The following RYR3 variants were observed in gnomAD, a reference collection of about 807,000 sequenced individuals.
RYR3 encodes brain ryanodine receptor-calcium release channel.
In RYR3, 207 loss-of-function variants were observed where a neutral mutation model predicts 584.3. The observed-to-expected ratio is 0.35, with a 90% CI of 0.32 to 0.40. The LOEUF (loss-of-function observed/expected upper bound fraction) is 0.40. RYR3 is among the 10% of genes least tolerant of loss of function. The pLI is 1.00. For missense variants in RYR3, 5,616 were observed against 6,089.2 expected, an observed-to-expected ratio of 0.92 and a Z score of 2.59; for synonymous variants, 2,416 against 2,248.5, an observed-to-expected ratio of 1.07 and a Z score of -2.11.
At chr15:33,753,896 G>A (rs2071561946) in intron 57 of RYR3, among the ~76,000 whole-genome samples, 1 of 152,108 alleles carries the variant, frequency 6.6e-6, no homozygotes, top group Non-Finnish European at 1.5e-5. Context: ...AATGATAAAG[G>A]AAGTCAAGGA....
Position 33,636,495 on chromosome 15 carries a change from G to T in RYR3, c.3501G>T (p.Leu1167=). The change falls in exon 27 of 104, where the codon CTG becomes CTT. Residue 1167 remains leucine (L), a synonymous_variant. Transcript: ENST00000634891. Reference sequence around the variant, plus strand: ...TGATCTTCACACTGAATGGGGAGCTGCTGATCACCAACAAAGGCTCTGAAC... The same window carrying T: ...TGATCTTCACACTGAATGGGGAGCTTCTGATCACCAACAAAGGCTCTGAAC... ...ASMIFTLNGE[L]LITNKGSELA... 1.2e-6 allele frequency: 2 copies of T among 1,612,088 alleles called. No individual in the cohort carries two copies. The highest frequency in any genetic ancestry group is 2.2e-5 in the South Asian group (2 of 90,728).
rs2303310 is a variant in RYR3, at chr15:33,860,576, T to A, written c.14300-19T>A. The A allele has an allele frequency of 0.7, 1,066,917 of 1,528,146 alleles. 387,063 individuals carry two copies. Among genetic ancestry groups the A allele is most frequent in the Non-Finnish European group, 0.75 (840,961 of 1,121,408 alleles). 94.7% of individuals were successfully genotyped at this position (1,528,146 alleles called of 1,614,324 possible). A position where few individuals can be genotyped will look rare whatever the true frequency, so the allele number is the denominator to read the frequency against. On this transcript the variant is annotated intron_variant, in intron 100 of 103. Transcript: ENST00000634891. ...GAACCACTACACAGATTGCTTTGTC[T>A]TTGTATTTAACATTCCAGGTCTTAT...
intron 75 of RYR3, among the ~76,000 whole-genome samples, chr15:33,817,771 C>T (rs1381467049): frequency 2.0e-5 from 3 of 152,098 alleles, no homozygotes; most frequent in African/African-American, 7.2e-5. Flanking sequence ...CGTTGGTTTT[C>T]TCAGTTTCTT....
rs762247616 is a variant in RYR3, at chr15:33,853,517, C to T, written c.13672-38C>T. The T allele has an allele frequency of 1.6e-5, 26 of 1,602,530 alleles. No homozygotes were observed. The East Asian group carries it at 4.3e-4, about 26-fold the overall frequency. ...AGAGCTAGAAAATATTTGGTGGTGGCGTGTGGCCTGAGCTCACCCTGTCAT... is the reference window on the plus strand; with the variant it reads ...AGAGCTAGAAAATATTTGGTGGTGGTGTGTGGCCTGAGCTCACCCTGTCAT... On this transcript the variant is annotated intron_variant, in intron 95 of 103. Transcript: ENST00000634891.
chr15:33,554,586 G>C (rs1273136099), intron 10 of RYR3, among the ~76,000 whole-genome samples: 1 of 152,180 alleles, frequency 6.6e-6, no homozygotes, highest in Non-Finnish European at 1.5e-5. Flanking sequence ...GTGAGCCACT[G>C]TGCCTGGCCA....
intron 1 of RYR3, among the ~76,000 whole-genome samples, chr15:33,368,826 C>G (rs1368588621): frequency 6.6e-6 from 1 of 152,084 alleles, no homozygotes; most frequent in African/African-American, 2.4e-5. Flanking sequence ...GGAGAAATAG[C>G]CTCCTAAACT....
rs2058593323 is a variant in RYR3, at chr15:33,581,532, T to C, written c.1462T>C (p.Cys488Arg). 1.2e-6 allele frequency: 2 copies of C among 1,613,636 alleles called. No homozygotes were observed. The highest frequency in any genetic ancestry group is 1.3e-5 in the African/African-American group (1 of 74,926). ...EEGMLALVLN[C>R]IDRLNVYNSV... ...GGGAATGTTGGCCCTTGTCTTAAAT[T>C]GCATTGACCGCTTAAATGTCTACAA... Residue 488 changes from cysteine to arginine, a missense_variant, in exon 14 of 104, where the codon TGC becomes CGC. Cys to Arg is a radical substitution (Grantham distance 180). Coordinates refer to ENST00000634891, the MANE Select transcript of RYR3 (RefSeq NM_001036.6).
chr15:33,510,800 T>G (rs1037079639), intron 3 of RYR3, among the ~76,000 whole-genome samples: 20 of 152,198 alleles, frequency 1.3e-4, no homozygotes, highest in Admixed American at 4.6e-4. Flanking sequence ...AACATGTACA[T>G]CCTCTTCCCC....
At chr15:33,464,503 T>TATATATATATATATACAC (rs1180164194) in intron 1 of RYR3, among the ~76,000 whole-genome samples, 6 of 105,932 alleles carry the variant, frequency 5.7e-5, no homozygotes, top group African/African-American at 1.7e-4. Flanking sequence ...CATATATATA[T>TATATATATATATATACAC]ACATACACAT....
chr15:33,457,968 A>T (rs1247568161), intron 1 of RYR3, among the ~76,000 whole-genome samples: 2 of 152,236 alleles, frequency 1.3e-5, no homozygotes, highest in African/African-American at 4.8e-5. Context: ...AAGGATCAGC[A>T]CGTTTCCTAT....
chr15:33,499,287 C>T (rs1238480920), intron 2 of RYR3, among the ~76,000 whole-genome samples: 3 of 151,368 alleles, frequency 2.0e-5, no homozygotes, highest in South Asian at 2.1e-4. Flanking sequence ...TCCTTTTCTC[C>T]CCATCTCTCC....
intron 4 of RYR3, among the ~76,000 whole-genome samples, chr15:33,531,989 T>C (rs542604737): frequency 3.9e-5 from 6 of 152,342 alleles, no homozygotes; most frequent in African/African-American, 1.2e-4. Flanking sequence ...TTGCATTATT[T>C]ACATTAAGTT....
At chr15:33,598,792 G>A (rs957682544) in intron 16 of RYR3, among the ~76,000 whole-genome samples, 40 of 151,780 alleles carry the variant, frequency 2.6e-4, no homozygotes, top group Admixed American at 2.3e-3. Context: ...AGTGGCTCAC[G>A]CCTGTAATCC....
intron 58 of RYR3, among the ~76,000 whole-genome samples, chr15:33,755,512 C>G (rs1389992446): frequency 6.6e-6 from 1 of 152,104 alleles, no homozygotes; most frequent in Non-Finnish European, 1.5e-5. Context: ...GTCCCAGCTA[C>G]TTGGGAGGCT....
At chr15:33,788,945 G>A (rs2074916295) in intron 67 of RYR3, among the ~76,000 whole-genome samples, 1 of 152,170 alleles carries the variant, frequency 6.6e-6, no homozygotes, top group African/African-American at 2.4e-5. Flanking sequence ...CGGGGTAAGG[G>A]GAATTAGGAG....
At chr15:33,848,918 C>A (rs2078904582) in intron 94 of RYR3, 2 of 144,170 alleles carry the variant, frequency 1.4e-5, no homozygotes, top group Non-Finnish European at 3.0e-5. Context: ...TCACTGCAAG[C>A]TCTGCCTCCC....
intron 38 of RYR3, among the ~76,000 whole-genome samples, chr15:33,688,556 G>C (rs1359831240): frequency 2.9e-5 from 4 of 139,906 alleles, no homozygotes; most frequent in African/African-American, 1.1e-4. Flanking sequence ...CTGGGCGACA[G>C]AGCGAGACTC....
In RYR3 at chr15:33,766,214, C is replaced by T. The variant is rs146555958; in HGVS notation, c.8706-2444C>T. 7.5e-3 allele frequency among the ~76,000 whole-genome samples: 1,124 copies of T among 149,976 alleles called. 7 individuals carry two copies. The highest frequency in any genetic ancestry group is 0.011 in the Non-Finnish European group (767 of 67,776). On this transcript the variant is annotated intron_variant, in intron 60 of 103. Transcript: ENST00000634891. Reference sequence around the variant, plus strand: ...AGGAGAATCGCTTGAACCCAGGAGACGGAGGTTGCAGTGAGCCGAGATGGC... The same window carrying T: ...AGGAGAATCGCTTGAACCCAGGAGATGGAGGTTGCAGTGAGCCGAGATGGC...
chr15:33,805,372 T>C (rs987229460), intron 69 of RYR3, among the ~76,000 whole-genome samples: 2 of 152,172 alleles, frequency 1.3e-5, no homozygotes, highest in African/African-American at 4.8e-5. Context: ...TTTGAAGCTA[T>C]CTTTGAGTTT....
Sources: gnomAD v4.1 joint callset for allele counts (sites outside exome capture counted in the v4.1 genomes callset) on GRCh38, gnomAD v4.1.1 for gene constraint, MANE v1.5 for transcripts, NCBI Gene and HGNC (gene_info 2026-07-23, HGNC 2026-07-21) for gene names.